Variants in SLC8A1 observed in about 807,000 individuals in gnomAD.
SLC8A1 encodes the protein solute carrier family 8 member A1, also known as sodium/calcium exchanger 1.
In SLC8A1, 18 loss-of-function variants were observed where a neutral mutation model predicts 68.3. The ratio of observed to expected loss-of-function variants is 0.26; its 90% CI spans 0.18 to 0.39. The LOEUF (loss-of-function observed/expected upper bound fraction) is 0.39. Among genes scored for constraint, SLC8A1 ranks in the 10% least tolerant of loss-of-function variants. The pLI is 1.00. For missense variants in SLC8A1, 985 were observed against 1,156.7 expected (o/e 0.85, Z 2.15); for synonymous variants, 475 against 415.5 (o/e 1.14, Z -1.74).
chr2:40,366,219 G>A (rs1676154179), intron 2 of SLC8A1, among the ~76,000 whole-genome samples: 1 of 151,950 alleles, frequency 6.6e-6, no homozygotes, highest in Admixed American at 6.6e-5. Flanking sequence ...ACAACATATA[G>A]TATGCACTCA....
At chr2:40,367,761 A>T (rs1676736197) in intron 2 of SLC8A1, among the ~76,000 whole-genome samples, 1 of 151,982 alleles carries the variant, frequency 6.6e-6, no homozygotes, top group Non-Finnish European at 1.5e-5. Flanking sequence ...ATATCTCAGG[A>T]TCTGAATACA....
At chr2:40,226,594 C>T (rs2059007766) in intron 2 of SLC8A1, among the ~76,000 whole-genome samples, 1 of 152,210 alleles carries the variant, frequency 6.6e-6, no homozygotes, top group East Asian at 1.9e-4. Context: ...ATTCTTCCAC[C>T]TTGCTTCCCT....
At chr2:40,331,174 A>G (rs999585000) in intron 2 of SLC8A1, among the ~76,000 whole-genome samples, 7 of 152,204 alleles carry the variant, frequency 4.6e-5, no homozygotes, top group African/African-American at 1.7e-4. Context: ...TATTGAGATA[A>G]TTCAGTAATT....
chr2:40,269,621 G>A (rs908627261), intron 2 of SLC8A1, among the ~76,000 whole-genome samples: 1 of 152,124 alleles, frequency 6.6e-6, no homozygotes, highest in African/African-American at 2.4e-5. Context: ...ATATATTTGG[G>A]TTAATCTGGA....
intron 2 of SLC8A1, among the ~76,000 whole-genome samples, chr2:40,329,787 A>T (rs1362335106): frequency 6.6e-6 from 1 of 152,146 alleles, no homozygotes; most frequent in East Asian, 1.9e-4. Flanking sequence ...AGTATTCCTC[A>T]ATCCCATCCC....
At chr2:40,375,029 GC>G (rs1553545542) in intron 2 of SLC8A1, among the ~76,000 whole-genome samples, 7 of 151,958 alleles carry the variant, frequency 4.6e-5, no homozygotes, top group Non-Finnish European at 1.0e-4. Context: ...TCTACCTCTG[GC>G]TGCTTGATAA....
intron 2 of SLC8A1, among the ~76,000 whole-genome samples, chr2:40,338,278 C>G (rs1398627917): frequency 1.3e-5 from 2 of 152,078 alleles, no homozygotes; most frequent in African/African-American, 2.4e-5. Flanking sequence ...TGACATATAT[C>G]AAAATAAATT....
At chr2:40,148,714 A>G (rs1265884621) in intron 6 of SLC8A1, among the ~76,000 whole-genome samples, 1 of 152,250 alleles carries the variant, frequency 6.6e-6, no homozygotes, top group Non-Finnish European at 1.5e-5. Flanking sequence ...AAATGGGCAT[A>G]GTCAAAACCA....
exon 8 of SLC8A1, chr2:40,103,347 G>C (rs1221689133): frequency 6.6e-6 from 1 of 152,118 alleles, no homozygotes; most frequent in Non-Finnish European, 1.5e-5. Context: ...TGGCCGACCG[G>C]TTGATTGCTA....
At chr2:40,495,913 T>G (rs577455868) in intron 1 of SLC8A1, among the ~76,000 whole-genome samples, 1 of 152,194 alleles carries the variant, frequency 6.6e-6, no homozygotes, top group South Asian at 2.1e-4. Flanking sequence ...AGTTGGTAGA[T>G]GCCAGAAATT....
intron 2 of SLC8A1, among the ~76,000 whole-genome samples, chr2:40,338,001 C>T (rs1666524741): frequency 6.6e-6 from 1 of 152,028 alleles, no homozygotes; most frequent in Admixed American, 6.6e-5. Flanking sequence ...CAACATCACC[C>T]AGCTCAGGAA....
intron 2 of SLC8A1, among the ~76,000 whole-genome samples, chr2:40,380,412 T>G (rs1216259028): frequency 2.0e-5 from 3 of 152,160 alleles, no homozygotes; most frequent in Non-Finnish European, 4.4e-5. Flanking sequence ...CTATTCAATT[T>G]CTTCATGAAT....
intron 2 of SLC8A1, among the ~76,000 whole-genome samples, chr2:40,180,583 T>A (rs765320253): frequency 6.6e-6 from 1 of 152,204 alleles, no homozygotes; most frequent in Non-Finnish European, 1.5e-5. Flanking sequence ...ACGCTACTGT[T>A]CTCTGCACTT....
exon 8 of SLC8A1, chr2:40,104,100 G>A (rs190495541): frequency 3.9e-5 from 6 of 152,278 alleles, no homozygotes; most frequent in Non-Finnish European, 1.5e-5. Context: ...AAAAGCCTTT[G>A]GGTCTTCTCT....
At chr2:40,220,346 T>C (rs1240447099) in intron 2 of SLC8A1, 1 of 152,138 alleles carries the variant, frequency 6.6e-6, no homozygotes, top group Non-Finnish European at 1.5e-5. Context: ...TCACCTCTTG[T>C]GCAAGGGAAG....
intron 2 of SLC8A1, among the ~76,000 whole-genome samples, chr2:40,222,822 C>T (rs181061231): frequency 4.8e-4 from 73 of 152,242 alleles, no homozygotes; most frequent in African/African-American, 1.7e-3. Flanking sequence ...AATGAGATAC[C>T]ATCTCATGCC....
At chr2:40,465,469 T>C (rs1328869381) in intron 1 of SLC8A1, among the ~76,000 whole-genome samples, 1 of 152,228 alleles carries the variant, frequency 6.6e-6, no homozygotes, top group African/African-American at 2.4e-5. Flanking sequence ...ATGGCAATGT[T>C]GCCTGTTAGC....
At chr2:40,413,100 C>G (rs919346681) in intron 2 of SLC8A1, among the ~76,000 whole-genome samples, 1 of 152,118 alleles carries the variant, frequency 6.6e-6, no homozygotes, top group Non-Finnish European at 1.5e-5. Flanking sequence ...AGTCAGGAAA[C>G]AACAGGTGCT....
At position 40,386,182 on chromosome 2, in the gene SLC8A1, A is replaced by G. The variant is rs535846728; in HGVS notation, c.1808+42291T>C. ...TACATATGCCCACGGACAAAAACAA[A>G]AAGGACTGTTAGGAAATACGTGGAA... On this transcript the variant is annotated intron_variant, in intron 2 of 7. Transcript: ENST00000406785. Among the ~76,000 whole-genome samples, 36 of 151,550 alleles carry G rather than the reference A, an allele frequency of 2.4e-4. 1 individual carries two copies. The highest frequency in any genetic ancestry group is 3.4e-3 in the Middle Eastern group (1 of 294).
Sources: gnomAD v4.1 joint callset for allele counts (sites outside exome capture counted in the v4.1 genomes callset) on GRCh38, gnomAD v4.1.1 for gene constraint, MANE v1.5 for transcripts, NCBI Gene and HGNC (gene_info 2026-07-23, HGNC 2026-07-21) for gene names.